Variants in CEP135 observed in about 807,000 individuals in gnomAD.
CEP135 encodes centrosomal protein 135.
In CEP135, 142 loss-of-function variants were observed where a neutral mutation model predicts 157.3. The ratio of observed to expected loss-of-function variants is 0.90; its 90% CI spans 0.79 to 1.04. The LOEUF (loss-of-function observed/expected upper bound fraction) is 1.04. Among genes scored for constraint, CEP135 ranks in the 50% least tolerant of loss-of-function variants. CEP135 has a pLI of 0.00. For missense variants in CEP135, 1,317 were observed against 1,309.2 expected, an observed-to-expected ratio of 1.01 and a Z score of -0.09; for synonymous variants, 396 against 439.8, an observed-to-expected ratio of 0.90 and a Z score of 1.25.
At chr4:55,981,643 A>G (rs190537682) in intron 13 of CEP135, among the ~76,000 whole-genome samples, 2 of 152,316 alleles carry the variant, frequency 1.3e-5, no homozygotes, top group African/African-American at 4.8e-5. Context: ...TTTTACAGAA[A>G]AAGTTTGCCA....
chr4:55,961,923 G>A (rs1417610695), intron 6 of CEP135, among the ~76,000 whole-genome samples: 1 of 151,848 alleles, frequency 6.6e-6, no homozygotes, highest in East Asian at 1.9e-4. Flanking sequence ...AGGCTGAGTT[G>A]CCTGTGCTCT....
intron 15 of CEP135, among the ~76,000 whole-genome samples, chr4:55,994,370 A>G (rs189994243): frequency 1.4e-4 from 22 of 152,228 alleles, no homozygotes; most frequent in Admixed American, 6.5e-4. Context: ...AATGTGGTGA[A>G]ACCTTATCTC....
At chr4:56,029,092 G>C (rs1308816617) in intron 25 of CEP135, among the ~76,000 whole-genome samples, 1 of 152,122 alleles carries the variant, frequency 6.6e-6, no homozygotes, top group Non-Finnish European at 1.5e-5. Context: ...TTATTATAAA[G>C]GATACAGATT....
At chr4:55,989,979 T>C (rs541192319) in intron 14 of CEP135, among the ~76,000 whole-genome samples, 3 of 152,352 alleles carry the variant, frequency 2.0e-5, no homozygotes, top group South Asian at 2.1e-4. Flanking sequence ...CAGTCTGTTT[T>C]TGCAGCATGG....
intron 19 of CEP135, among the ~76,000 whole-genome samples, chr4:56,010,800 C>T (rs1356103155): frequency 6.6e-6 from 1 of 152,100 alleles, no homozygotes; most frequent in East Asian, 1.9e-4. Flanking sequence ...AAATTATTTT[C>T]CGTATTATTC....
rs142510321 is a variant in CEP135, at chr4:56,028,717, A to G, written c.*12-2643A>G. On this transcript the variant is annotated intron_variant, in intron 25 of 25. Transcript: ENST00000257287. ...TTTTATTATTTGTTTTTTGACTATC[A>G]TATCTAATGCATGCTATTTGAGATA... Among the ~76,000 whole-genome samples, 443 of 152,278 alleles carry G rather than the reference A, an allele frequency of 2.9e-3. 2 individuals carry two copies. The highest frequency in any genetic ancestry group is 9.7e-3 in the African/African-American group (405 of 41,548).
chr4:56,028,139 GTTGTTTCTA>G (rs1233153180), intron 25 of CEP135, among the ~76,000 whole-genome samples: 1 of 152,116 alleles, frequency 6.6e-6, no homozygotes, highest in Non-Finnish European at 1.5e-5. Flanking sequence ...AGACACCTGG[GTTGTTTCTA>G]TCATATGGTT....
rs776575214 is a variant in CEP135, at chr4:55,965,730, C to T, written c.915C>T (p.Val305=). 37 of 1,613,386 alleles carry T rather than the reference C, an allele frequency of 2.3e-5. No homozygotes were observed. The highest frequency in any genetic ancestry group is 8.9e-5 in the East Asian group (4 of 44,812). ...CCAAGGAAACAGTGACATCTGAAGT[C>T]GTTAATTTAAGTAACAAAAATGAAA... ...METKETVTSE[V]VNLSNKNEKL... The change falls in exon 8 of 26, where the codon GTC becomes GTT. Residue 305 remains valine, a synonymous_variant. Transcript: ENST00000257287.
At position 56,019,425 on chromosome 4, in the gene CEP135, AC is replaced by A; in HGVS notation, c.3086del (p.Thr1029LysfsTer21). 1 of 1,614,018 alleles carries A rather than the reference AC, an allele frequency of 6.2e-7. No individual in the cohort carries two copies. Among genetic ancestry groups the A allele is most frequent in the Admixed American group, 1.7e-5 (1 of 60,014 alleles). ...LKKQLSNERH[T>X]VKNLESLLAT... ...AAAACAACTTTCAAATGAGAGACAT[AC>A]AGTTAAAAACCTCGAATCATTGTTG... On this transcript the variant is annotated frameshift_variant, in exon 23 of 26. Transcript: ENST00000257287. LOFTEE classifies it high-confidence loss of function.
chr4:56,028,031 G>A (rs1261311824), intron 25 of CEP135, among the ~76,000 whole-genome samples: 1 of 152,064 alleles, frequency 6.6e-6, no homozygotes. Flanking sequence ...TCATACATGT[G>A]TTCTTTTGTA....
chr4:56,002,352 C>T (rs540153681), intron 17 of CEP135, among the ~76,000 whole-genome samples: 7 of 152,116 alleles, frequency 4.6e-5, no homozygotes, highest in South Asian at 2.1e-4. Flanking sequence ...AAGTTTTCCC[C>T]GTTCAATATT....
intron 4 of CEP135, among the ~76,000 whole-genome samples, chr4:55,956,934 C>T (rs1387455123): frequency 1.3e-5 from 2 of 152,018 alleles, no homozygotes; most frequent in African/African-American, 4.8e-5. Flanking sequence ...TTTAAACTTG[C>T]CAAAGTCTTA....
Position 55,959,697 on chromosome 4 carries a change from A to G in CEP135, c.630A>G (p.Gln210=). 1 of 1,614,042 alleles carries G rather than the reference A, an allele frequency of 6.2e-7. No homozygotes were observed. The highest frequency in any genetic ancestry group is 8.5e-7 in the Non-Finnish European group (1 of 1,179,910). The change falls in exon 6 of 26, where the codon CAA becomes CAG. Residue 210 remains glutamine (Q), a synonymous_variant. Transcript: ENST00000257287. ...QVADNRIQEL[Q]QEVHQLQEKL... ...TGCTTTTCAGGATTCAAGAACTTCAACAGGAAGTCCACCAGCTACAAGAAA... is the reference window on the plus strand; with the variant it reads ...TGCTTTTCAGGATTCAAGAACTTCAGCAGGAAGTCCACCAGCTACAAGAAA...
chr4:55,993,735 G>A (rs1729872626), intron 15 of CEP135, among the ~76,000 whole-genome samples: 1 of 152,166 alleles, frequency 6.6e-6, no homozygotes, highest in African/African-American at 2.4e-5. Flanking sequence ...TTTCCTCACA[G>A]GAGGCTGTTT....
Position 55,974,960 on chromosome 4 carries a change from A to G in CEP135, c.1464A>G (p.Thr488=), listed in dbSNP as rs772068951. 1.9e-6 allele frequency: 3 copies of G among 1,597,902 alleles called. No homozygotes were observed. The highest frequency in any genetic ancestry group is 2.6e-6 in the Non-Finnish European group (3 of 1,170,728). The change falls in exon 11 of 26, where the codon ACA becomes ACG. Residue 488 remains threonine, a synonymous_variant. Coordinates refer to ENST00000257287, the MANE Select transcript of CEP135 (RefSeq NM_025009.5). ...SAREKSSIFR[T]PEKGDYNSEI... is the part of the protein sequence containing the mutation. ...GTGAAAAAAGTTCAATATTTAGAAC[A>G]CCAGAAAAGGTAATGTCCCTTTATA...
At chr4:55,976,854 G>A (rs1298776620) in intron 11 of CEP135, among the ~76,000 whole-genome samples, 6 of 152,160 alleles carry the variant, frequency 3.9e-5, no homozygotes, top group Non-Finnish European at 8.8e-5. Context: ...CTGTCACCCA[G>A]GCTGGAGTGC....
At position 55,974,855 on chromosome 4, in the gene CEP135, A is replaced by G. The variant is rs201732251; in HGVS notation, c.1359A>G (p.Glu453=). ...LDTFLKGIEE[E]RDYYKKELER... ...CATTTCTGAAAGGTATAGAAGAAGA[A>G]CGAGATTATTATAAGAAAGAGCTAG... The change falls in exon 11 of 26, where the codon GAA becomes GAG. Residue 453 remains glutamate (E), a synonymous_variant. Coordinates refer to ENST00000257287, the MANE Select transcript of CEP135 (RefSeq NM_025009.5). The G allele has an allele frequency of 1.3e-4, 213 of 1,613,888 alleles. 1 individual carries two copies. In the East Asian group the frequency reaches 4.6e-3, roughly 35 times the overall value.
At chr4:56,019,774 A>G (rs990149975) in intron 23 of CEP135, among the ~76,000 whole-genome samples, 4 of 151,746 alleles carry the variant, frequency 2.6e-5, no homozygotes, top group Admixed American at 2.6e-4. Flanking sequence ...CGTCTATACT[A>G]AAAATACAAA....
chr4:56,008,526 T>G (rs1730441492), intron 18 of CEP135, 144 bp downstream of exon 18: 1 of 642,526 alleles, frequency 1.6e-6, no homozygotes, highest in Non-Finnish European at 2.7e-6. Context: ...TTTCTCAGTC[T>G]CCAGCTTGAA....
Sources: allele counts gnomAD v4.1 joint callset (sites outside exome capture counted in the v4.1 genomes callset), GRCh38; gene constraint gnomAD v4.1.1; transcripts MANE v1.5; gene names NCBI Gene and HGNC (gene_info 2026-07-23, HGNC 2026-07-21).